KAZN: variants seen among roughly 807,000 people sequenced by gnomAD.
KAZN encodes kazrin, periplakin interacting protein.
In KAZN, 40 loss-of-function variants were observed where a neutral mutation model predicts 87.4. The ratio of observed to expected loss-of-function variants is 0.46; its 90% CI spans 0.36 to 0.60. KAZN has a LOEUF of 0.60. Among genes scored for constraint, KAZN ranks in the 20% least tolerant of loss-of-function variants. The pLI is 0.00. For missense variants in KAZN, 898 were observed against 1,073.9 expected (o/e 0.84, Z 2.29); for synonymous variants, 466 against 458.3 (o/e 1.02, Z -0.22).
At chr1:14,051,983 T>C (rs1165482847) in intron 1 of KAZN, among the ~76,000 whole-genome samples, 1 of 152,242 alleles carries the variant, frequency 6.6e-6, no homozygotes, top group Non-Finnish European at 1.5e-5. Context: ...GTTGCTAGTA[T>C]AGCAGAGGCT....
At chr1:13,919,779 T>C (rs1433780482) in intron 1 of KAZN, among the ~76,000 whole-genome samples, 1 of 152,186 alleles carries the variant, frequency 6.6e-6, no homozygotes, top group East Asian at 1.9e-4. Context: ...CCCTCTGACA[T>C]TGTTGATGAG....
At chr1:15,032,315 C>A (rs999715413) in intron 2 of KAZN, among the ~76,000 whole-genome samples, 1 of 151,380 alleles carries the variant, frequency 6.6e-6, no homozygotes, top group East Asian at 2.0e-4. Flanking sequence ...GCCTCAGCCT[C>A]CCGAGTAGCT....
intron 2 of KAZN, among the ~76,000 whole-genome samples, chr1:15,020,205 A>G (rs1314366954): frequency 3.3e-5 from 5 of 152,212 alleles, no homozygotes; most frequent in East Asian, 3.8e-4. Flanking sequence ...TTCCCCACAC[A>G]CTAGTCACTG....
At chr1:14,998,168 G>A (rs1448751766) in intron 2 of KAZN, among the ~76,000 whole-genome samples, 9 of 152,094 alleles carry the variant, frequency 5.9e-5, no homozygotes, top group East Asian at 3.9e-4. Flanking sequence ...GGGGCAGCGC[G>A]GGGGGTGCTC....
At chr1:14,935,066 T>C (rs1055850019) in intron 1 of KAZN, among the ~76,000 whole-genome samples, 1 of 152,134 alleles carries the variant, frequency 6.6e-6, no homozygotes, top group Non-Finnish European at 1.5e-5. Context: ...CTTCCTGTGC[T>C]CCTTCCAGGC....
intron 1 of KAZN, among the ~76,000 whole-genome samples, chr1:14,150,684 C>G (rs761523962): frequency 6.6e-6 from 1 of 152,104 alleles, no homozygotes; most frequent in Non-Finnish European, 1.5e-5. Flanking sequence ...TGGAAAGAGA[C>G]GATTTCACAT....
At chr1:14,447,083 A>G (rs913887093) in intron 2 of KAZN, among the ~76,000 whole-genome samples, 1 of 151,906 alleles carries the variant, frequency 6.6e-6, no homozygotes. Context: ...AGTAGTTCGC[A>G]GTGTGTAATG....
chr1:13,980,230 T>A (rs1187862203), intron 1 of KAZN, among the ~76,000 whole-genome samples: 1 of 152,132 alleles, frequency 6.6e-6, no homozygotes, highest in Non-Finnish European at 1.5e-5. Context: ...CAAGAAAGCA[T>A]AATAAAAATT....
In KAZN at chr1:15,030,514, G is replaced by A. The variant is rs116770956; in HGVS notation, c.419-4235G>A. On this transcript the variant is annotated intron_variant, in intron 2 of 14. Coordinates refer to ENST00000376030, the MANE Select transcript of KAZN (RefSeq NM_201628.3). ...ACTCCTGACCTCGAGTGCTCCGCTC[G>A]CCTCTCAAAGTGCTGGGATTACAGG... 4.8e-3 allele frequency among the ~76,000 whole-genome samples: 728 copies of A among 152,234 alleles called. 6 individuals are homozygous for A. Among genetic ancestry groups the A allele is most frequent in the Middle Eastern group, 0.017 (5 of 294 alleles).
chr1:15,116,212 TG>T lies in KAZN; in HGVS notation c.*1581del, dbSNP rs1191587930. 6.6e-6 allele frequency: 1 copy of T among 152,238 alleles called. No homozygotes were observed. The highest frequency in any genetic ancestry group is 1.5e-5 in the Non-Finnish European group (1 of 68,044). The allele number at this position is 152,238 out of a possible 1,614,324, so 9.4% of individuals were successfully genotyped here. On this transcript the variant is annotated 3_prime_UTR_variant, in exon 15 of 15. Transcript: ENST00000376030. Reference sequence around the variant, plus strand: ...CGACCTCCTTCAAGGCCGTTTGCACTGGGGCTTGAGTTTCCAAGATTCACAA... The same window carrying T: ...CGACCTCCTTCAAGGCCGTTTGCACTGGGCTTGAGTTTCCAAGATTCACAA...
intron 1 of KAZN, among the ~76,000 whole-genome samples, chr1:13,894,949 C>T (rs1638979042): frequency 6.6e-6 from 1 of 152,164 alleles, no homozygotes; most frequent in Non-Finnish European, 1.5e-5. Context: ...GGTTGGGGTC[C>T]CAGTTTCACT....
At chr1:14,797,703 G>C (rs867007143) in intron 1 of KAZN, among the ~76,000 whole-genome samples, 1 of 152,150 alleles carries the variant, frequency 6.6e-6, no homozygotes, top group African/African-American at 2.4e-5. Context: ...GGAAGATCCA[G>C]GTTCAAATTT....
chr1:14,022,239 C>G (rs1214976169), intron 1 of KAZN, among the ~76,000 whole-genome samples: 1 of 151,518 alleles, frequency 6.6e-6, no homozygotes, highest in Admixed American at 6.6e-5. Context: ...TTCTTTTTCT[C>G]TAGTTCATTA....
chr1:14,793,450 A>G (rs1480108117), intron 1 of KAZN, among the ~76,000 whole-genome samples: 2 of 152,208 alleles, frequency 1.3e-5, no homozygotes, highest in Non-Finnish European at 2.9e-5. Flanking sequence ...AGCTGGGTTC[A>G]AACCCCAACT....
In KAZN at chr1:14,996,405, G is replaced by C. The variant is rs1667864038; in HGVS notation, c.418+35530G>C. Among the ~76,000 whole-genome samples the C allele has an allele frequency of 6.6e-6, 1 of 152,212 alleles. No individual in the cohort carries two copies. Among genetic ancestry groups the C allele is most frequent in the East Asian group, 1.9e-4 (1 of 5,194 alleles). Reference sequence around the variant, plus strand: ...CCGGCACATCATGGGGGCCTCAGAGGCAGGGACTGTGACTTAGTCATCACT... The same window carrying C: ...CCGGCACATCATGGGGGCCTCAGAGCCAGGGACTGTGACTTAGTCATCACT... On this transcript the variant is annotated intron_variant, in intron 2 of 14. Coordinates refer to ENST00000376030, the MANE Select transcript of KAZN (RefSeq NM_201628.3). This position sits in a 1 kb window ranked among gnomAD's most constrained non-coding sequence, Gnocchi z 5.9.
chr1:14,610,144 C>A (rs1469743384), intron 1 of KAZN, among the ~76,000 whole-genome samples: 1 of 152,190 alleles, frequency 6.6e-6, no homozygotes, highest in Non-Finnish European at 1.5e-5. Context: ...TAGATTCTTT[C>A]CTCATTTCAG....
At chr1:14,308,944 G>T (rs1268650152) in intron 2 of KAZN, among the ~76,000 whole-genome samples, 1 of 152,170 alleles carries the variant, frequency 6.6e-6, no homozygotes, top group Non-Finnish European at 1.5e-5. Context: ...AATACATGCA[G>T]TCCTCAAAGG....
chr1:14,821,591 T>A (rs535630485), intron 1 of KAZN, among the ~76,000 whole-genome samples: 1 of 151,098 alleles, frequency 6.6e-6, no homozygotes, highest in African/African-American at 2.4e-5. Flanking sequence ...CTGGTGTCCT[T>A]GTAAGAGGAG....
intron 2 of KAZN, among the ~76,000 whole-genome samples, chr1:14,208,672 T>G (rs997709657): frequency 6.6e-6 from 1 of 152,220 alleles, no homozygotes; most frequent in Non-Finnish European, 1.5e-5. Context: ...TTTTATTGTC[T>G]TTTCATCCTG....
Sources: allele counts gnomAD v4.1 joint callset (sites outside exome capture counted in the v4.1 genomes callset), GRCh38; gene constraint gnomAD v4.1.1; non-coding constraint Gnocchi (gnomAD v3.1); transcripts MANE v1.5; gene names NCBI Gene and HGNC (gene_info 2026-07-23, HGNC 2026-07-21).